Variants in FNDC3B observed in about 807,000 individuals in gnomAD.
FNDC3B encodes fibronectin type III domain-containing protein 3B.
Under a neutral mutation model 151.5 loss-of-function variants are expected in FNDC3B, and 12 were observed. That is an observed-to-expected ratio of 0.08 (90% CI 0.05 to 0.13). The LOEUF (loss-of-function observed/expected upper bound fraction) is 0.13. Ranked by LOEUF, FNDC3B falls within the 10% of genes least tolerant of loss-of-function variation. The probability of loss-of-function intolerance (pLI) is 1.00; values close to 1 mark genes in which losing one functional copy is unlikely to be tolerated. For missense variants in FNDC3B, 1,214 were observed against 1,505.3 expected, an observed-to-expected ratio of 0.81 and a Z score of 3.20; for synonymous variants, 528 against 549.0, an observed-to-expected ratio of 0.96 and a Z score of 0.54.
Position 172,330,610 on chromosome 3 carries a change from G to T in FNDC3B, c.1449G>T (p.Leu483=), listed in dbSNP as rs757757899. 1 of 1,614,114 alleles carries T rather than the reference G, an allele frequency of 6.2e-7. No homozygotes were observed. Among genetic ancestry groups the T allele is most frequent in the Non-Finnish European group, 8.5e-7 (1 of 1,179,958 alleles). Residue 483 remains leucine, a synonymous_variant, in exon 13 of 26, where the codon CTG becomes CTT. Coordinates refer to ENST00000415807, the MANE Select transcript of FNDC3B (RefSeq NM_022763.4). ...NIPQMPSAPR[L]VRAGITWVTL... ...CTCAGATGCCTTCTGCACCAAGGCT[G>T]GTTCGAGCTGGCATCACATGGGTCA...
intron 9 of FNDC3B, among the ~76,000 whole-genome samples, chr3:172,304,784 C>T (rs1446731282): frequency 1.3e-5 from 2 of 152,066 alleles, no homozygotes; most frequent in African/African-American, 4.8e-5. Flanking sequence ...GTAATCCCAG[C>T]CACTCAGGGG....
chr3:172,207,619 G>C (rs991349585), intron 3 of FNDC3B, among the ~76,000 whole-genome samples: 1 of 152,124 alleles, frequency 6.6e-6, no homozygotes, highest in Non-Finnish European at 1.5e-5. Flanking sequence ...GCGGGGCCTG[G>C]AAAAAGTATC....
intron 3 of FNDC3B, among the ~76,000 whole-genome samples, chr3:172,193,152 C>T: frequency 9.1e-6 from 1 of 109,744 alleles, no homozygotes; most frequent in South Asian, 4.1e-4. Context: ...GCCTCCCTTC[C>T]TTCCCACCTT....
At chr3:172,177,890 C>T (rs556076956) in intron 3 of FNDC3B, among the ~76,000 whole-genome samples, 3 of 152,024 alleles carry the variant, frequency 2.0e-5, no homozygotes, top group South Asian at 4.2e-4. Context: ...GTGTTGTTCC[C>T]CTCCCTGTGT....
intron 3 of FNDC3B, among the ~76,000 whole-genome samples, chr3:172,171,806 C>T (rs1265078693): frequency 6.7e-6 from 1 of 149,800 alleles, no homozygotes; most frequent in Non-Finnish European, 1.5e-5. Flanking sequence ...AAAAAAAAAT[C>T]CAATAGTGGG....
At chr3:172,318,519 A>C (rs1257024625) in intron 11 of FNDC3B, among the ~76,000 whole-genome samples, 4 of 152,228 alleles carry the variant, frequency 2.6e-5, no homozygotes. Flanking sequence ...AATTTGCACA[A>C]ACCTTTTCTG....
intron 3 of FNDC3B, among the ~76,000 whole-genome samples, chr3:172,190,242 A>G (rs9790159): frequency 0.45 from 68,790 of 152,084 alleles, 16,414 homozygotes; most frequent in Non-Finnish European, 0.53. Context: ...GGGGATGAGC[A>G]TGATGCTATG....
intron 3 of FNDC3B, among the ~76,000 whole-genome samples, chr3:172,196,706 G>A (rs1724850708): frequency 1.3e-5 from 2 of 152,194 alleles, no homozygotes; most frequent in Non-Finnish European, 2.9e-5. Flanking sequence ...GGGTCTAGAG[G>A]TTAAGGACAG....
intron 3 of FNDC3B, among the ~76,000 whole-genome samples, chr3:172,160,730 G>A (rs1722727695): frequency 6.6e-6 from 1 of 152,112 alleles, no homozygotes; most frequent in Non-Finnish European, 1.5e-5. Context: ...TATAATATTG[G>A]CCTTTGGTTA....
intron 1 of FNDC3B, among the ~76,000 whole-genome samples, chr3:172,083,567 A>G (rs1319090108): frequency 6.6e-6 from 1 of 152,250 alleles, no homozygotes; most frequent in African/African-American, 2.4e-5. Flanking sequence ...GGTGTCTCAA[A>G]ACCATCATGT....
intron 3 of FNDC3B, among the ~76,000 whole-genome samples, chr3:172,188,409 C>G (rs6768321): frequency 0.99 from 150,158 of 152,100 alleles, 74,200 homozygotes; most frequent in Middle Eastern, 1. Context: ...TTTTTTGTTT[C>G]TTTGTTTGTT....
At chr3:172,344,794 A>G (rs1269512630) in intron 19 of FNDC3B, among the ~76,000 whole-genome samples, 2 of 152,166 alleles carry the variant, frequency 1.3e-5, no homozygotes, top group African/African-American at 4.8e-5. Flanking sequence ...TTGAGAATAT[A>G]TATGTCTATG....
chr3:172,341,731 A>T (rs1274007100), intron 17 of FNDC3B, among the ~76,000 whole-genome samples: 2 of 152,066 alleles, frequency 1.3e-5, no homozygotes, highest in Non-Finnish European at 2.9e-5. Context: ...GCTGAGTGGC[A>T]CCTCCTGAAG....
chr3:172,270,638 C>A (rs1471599140), intron 6 of FNDC3B, among the ~76,000 whole-genome samples: 1 of 152,172 alleles, frequency 6.6e-6, no homozygotes. Flanking sequence ...TGACACCCAC[C>A]ACTAGCTGAC....
At chr3:172,357,447 G>A (rs78019212) in intron 22 of FNDC3B, among the ~76,000 whole-genome samples, 2,898 of 152,288 alleles carry the variant, frequency 0.019, 100 homozygotes, top group African/African-American at 0.066. Flanking sequence ...TCAAGTTTGG[G>A]TTTTGGATAG....
chr3:172,064,663 T>A (rs1717398081), intron 1 of FNDC3B, among the ~76,000 whole-genome samples: 1 of 152,268 alleles, frequency 6.6e-6, no homozygotes, highest in African/African-American at 2.4e-5. Context: ...CTGGCTGACA[T>A]CTTTCTGCTC....
intron 1 of FNDC3B, among the ~76,000 whole-genome samples, chr3:172,111,880 A>G (rs535151706): frequency 1.3e-5 from 2 of 152,272 alleles, no homozygotes; most frequent in South Asian, 2.1e-4. Flanking sequence ...TGTTCCTGAG[A>G]TCATTTAAAA....
chr3:172,156,946 C>T (rs1304487779), intron 3 of FNDC3B, among the ~76,000 whole-genome samples: 2 of 152,096 alleles, frequency 1.3e-5, no homozygotes, highest in East Asian at 1.9e-4. Flanking sequence ...GTTCTAATAA[C>T]AGTGCTTTTA....
chr3:172,144,545 A>G (rs1408830924), intron 3 of FNDC3B, among the ~76,000 whole-genome samples: 1 of 152,252 alleles, frequency 6.6e-6, no homozygotes, highest in African/African-American at 2.4e-5. Flanking sequence ...ACTTGTGACC[A>G]GTGAGAACAC....
Sources: allele counts gnomAD v4.1 joint callset (sites outside exome capture counted in the v4.1 genomes callset), GRCh38; gene constraint gnomAD v4.1.1; transcripts MANE v1.5; gene names NCBI Gene and HGNC (gene_info 2026-07-23, HGNC 2026-07-21).